Variants in SIGLEC5 observed in about 807,000 individuals in gnomAD.
SIGLEC5 encodes the protein sialic acid-binding Ig-like lectin 5.
Under a neutral mutation model 45.9 loss-of-function variants are expected in SIGLEC5, and 34 were observed. That is an observed-to-expected ratio of 0.74 (90% CI 0.56 to 0.99). SIGLEC5 has a LOEUF of 0.99. Among genes scored for constraint, SIGLEC5 ranks in the 50% least tolerant of loss-of-function variants. The pLI, the probability that SIGLEC5 is intolerant of heterozygous loss-of-function variation, is 0.00. For missense variants in SIGLEC5, 508 were observed against 629.6 expected, an observed-to-expected ratio of 0.81 and a Z score of 2.07; for synonymous variants, 203 against 258.6, an observed-to-expected ratio of 0.79 and a Z score of 2.06.
intron 8 of SIGLEC5, among the ~76,000 whole-genome samples, chr19:51,624,558 C>T (rs771015048): frequency 7.9e-5 from 12 of 152,066 alleles, no homozygotes; most frequent in Non-Finnish European, 1.6e-4. Flanking sequence ...TTGGACAATT[C>T]GTTCGGGGCA....
chr19:51,629,938 C>T lies in SIGLEC5; in HGVS notation c.316G>A (p.Gly106Arg), dbSNP rs199864224. The part of the protein sequence containing the change: ...VQKKNCSLSI[G>R]DARMEDTGSY... ...CCCGTGTCCTCCATTCTGGCATCTC[C>T]GATGCTCAGGGAGCAGTTCTTCTTC... The change falls in exon 2 of 9, where the codon GGA becomes AGA. Residue 106 changes from glycine to arginine, a missense_variant. Physicochemically the swap from Gly to Arg is moderately radical, Grantham distance 125. This residue lies in a region of SIGLEC5 where 77 missense variants were observed against 200.8 expected (regional missense o/e 0.38). Transcript: ENST00000683636. 6.9e-5 allele frequency: 75 copies of T among 1,080,570 alleles called. No individual in the cohort carries two copies. Among genetic ancestry groups the T allele is most frequent in the African/African-American group, 4.2e-5 (2 of 47,348 alleles). The allele number at this position is 1,080,570 out of a possible 1,614,324, so 66.9% of individuals were successfully genotyped here.
chr19:51,625,907 G>C (rs1043150844), intron 8 of SIGLEC5, 125 bp downstream of exon 8: 1 of 708,514 alleles, frequency 1.4e-6, no homozygotes, highest in Non-Finnish European at 2.5e-6. Context: ...GGATATGAAG[G>C]GGGAGAACAG....
intron 8 of SIGLEC5, among the ~76,000 whole-genome samples, chr19:51,616,464 G>A (rs1983056960): frequency 6.6e-6 from 1 of 152,184 alleles, no homozygotes; most frequent in Non-Finnish European, 1.5e-5. Context: ...AAATATCATA[G>A]GAAGAGCCCA....
chr19:51,619,655 A>G (rs1466658597), intron 8 of SIGLEC5, among the ~76,000 whole-genome samples: 1 of 152,236 alleles, frequency 6.6e-6, no homozygotes, highest in Non-Finnish European at 1.5e-5. Context: ...ATACATATCA[A>G]AATTTGTGCA....
intron 8 of SIGLEC5, among the ~76,000 whole-genome samples, chr19:51,623,140 C>T (rs1017291365): frequency 1.3e-5 from 2 of 152,266 alleles, no homozygotes; most frequent in South Asian, 2.1e-4. Flanking sequence ...TGAAACAGTT[C>T]ATGTACCCCA....
intron 8 of SIGLEC5, among the ~76,000 whole-genome samples, chr19:51,622,947 CT>C (rs1313366489): frequency 6.6e-6 from 1 of 152,180 alleles, no homozygotes; most frequent in African/African-American, 2.4e-5. Flanking sequence ...ATGACTGGAT[CT>C]CATTCTTTTT....
chr19:51,624,593 G>A (rs1042140751), intron 8 of SIGLEC5, among the ~76,000 whole-genome samples: 2 of 152,082 alleles, frequency 1.3e-5, no homozygotes, highest in African/African-American at 4.8e-5. Context: ...TTATAAAAGA[G>A]GAGAGGAGAC....
intron 8 of SIGLEC5, among the ~76,000 whole-genome samples, chr19:51,614,327 G>A (rs1982970466): frequency 1.3e-5 from 2 of 152,108 alleles, no homozygotes; most frequent in Non-Finnish European, 2.9e-5. Flanking sequence ...TAAAGACAGG[G>A]TTTCGCCACG....
At chr19:51,624,366 A>G (rs1983399548) in intron 8 of SIGLEC5, among the ~76,000 whole-genome samples, 1 of 152,198 alleles carries the variant, frequency 6.6e-6, no homozygotes, top group Non-Finnish European at 1.5e-5. Context: ...CAAGATTCAC[A>G]ACAGTGGTTA....
intron 8 of SIGLEC5, among the ~76,000 whole-genome samples, chr19:51,619,306 T>C (rs565893169): frequency 6.6e-6 from 1 of 152,296 alleles, no homozygotes; most frequent in African/African-American, 2.4e-5. Flanking sequence ...GGTCTTGAAC[T>C]CCTGACCTTG....
rs575335138 is a variant in SIGLEC5, at chr19:51,627,261, G to C, written c.1283-13C>G. The C allele has an allele frequency of 1.2e-6, 2 of 1,611,648 alleles. No individual in the cohort carries two copies. Among genetic ancestry groups the C allele is most frequent in the African/African-American group, 1.3e-5 (1 of 74,936 alleles). On this transcript the variant is annotated splice_polypyrimidine_tract_variant and intron_variant, in intron 6 of 8. Coordinates refer to ENST00000683636, the MANE Select transcript of SIGLEC5 (RefSeq NM_003830.4). ...AGGTTCGATCTCCCTGCAGAAAAGA[G>C]GGGCGTGCAATAACTCACTCCCAGG...
At chr19:51,616,724 C>T (rs1480627800) in intron 8 of SIGLEC5, among the ~76,000 whole-genome samples, 3 of 151,558 alleles carry the variant, frequency 2.0e-5, no homozygotes, top group Non-Finnish European at 2.9e-5. Context: ...TCAGCTTGGC[C>T]GACATGGCAA....
At chr19:51,624,013 G>T (rs1983387016) in intron 8 of SIGLEC5, among the ~76,000 whole-genome samples, 1 of 151,966 alleles carries the variant, frequency 6.6e-6, no homozygotes, top group South Asian at 2.1e-4. Context: ...GCAAAAATGA[G>T]CCTTGCGTGG....
chr19:51,629,373 G>A lies in SIGLEC5; in HGVS notation c.685C>T (p.Gln229Ter), dbSNP rs1303763563. ...GAQVTTERTV[Q>*]LNVSYAPQTI... Reference sequence around the variant, plus strand: ...CACCACTCACAGGAGACATTGAGCTGGACAGTTCTCTCCGTGGTCACCTGA... The same window carrying A: ...CACCACTCACAGGAGACATTGAGCTAGACAGTTCTCTCCGTGGTCACCTGA... The change falls in exon 3 of 9, where the codon CAG becomes TAG. Residue 229 changes from glutamine (Q) to a stop codon, truncating the protein, a stop_gained. Transcript: ENST00000683636. LOFTEE classifies it high-confidence loss of function. 2.5e-6 allele frequency: 4 copies of A among 1,613,558 alleles called. No individual in the cohort carries two copies. Among genetic ancestry groups the A allele is most frequent in the Non-Finnish European group, 3.4e-6 (4 of 1,179,982 alleles).
rs8108078 is a variant in SIGLEC5 at position 51,627,678 on chromosome 19, G to T, written c.1066C>A (p.Arg356=). The change falls in exon 6 of 9, where the codon CGA becomes AGA. Residue 356 remains arginine (R), a synonymous_variant. Transcript: ENST00000683636. ...CACAGGGAGGGGGCCGGCCGGGCTC[G>T]AAAGGAGCATCTGCAGTGCAGACCC... ...AEGLHCRCSF[R]ARPAPSLCWR... is the part of the protein sequence containing the mutation. 3 of 1,609,904 alleles carry T rather than the reference G, an allele frequency of 1.9e-6. No homozygotes were observed. The highest frequency in any genetic ancestry group is 2.7e-5 in the African/African-American group (2 of 74,814).
intron 8 of SIGLEC5, among the ~76,000 whole-genome samples, chr19:51,614,583 G>A (rs1172343359): frequency 6.6e-6 from 1 of 152,184 alleles, no homozygotes. Flanking sequence ...GCATTATGCA[G>A]GCAAAGGAAG....
chr19:51,623,447 C>A (rs904422657), intron 8 of SIGLEC5, among the ~76,000 whole-genome samples: 1 of 152,048 alleles, frequency 6.6e-6, no homozygotes, highest in South Asian at 2.1e-4. Flanking sequence ...TAAAGCCCTC[C>A]AACAAATTCA....
At chr19:51,618,458 A>C (rs1983150915) in intron 8 of SIGLEC5, among the ~76,000 whole-genome samples, 1 of 149,882 alleles carries the variant, frequency 6.7e-6, no homozygotes, top group South Asian at 2.1e-4. Flanking sequence ...AAAAAAAAAA[A>C]AAAAAAAAAA....
intron 4 of SIGLEC5, among the ~76,000 whole-genome samples, chr19:51,628,714 T>A (rs1470778362): frequency 6.7e-6 from 1 of 148,422 alleles, no homozygotes; most frequent in African/African-American, 2.5e-5. Context: ...TGTGTGTGCA[T>A]ATGTGTGTGG....
Sources: allele counts gnomAD v4.1 joint callset (sites outside exome capture counted in the v4.1 genomes callset), GRCh38; gene constraint gnomAD v4.1.1; regional missense constraint gnomAD v4.1.1; transcripts MANE v1.5; gene names NCBI Gene and HGNC (gene_info 2026-07-23, HGNC 2026-07-21).